The following TENM4 variants were observed in gnomAD, a reference collection of about 807,000 sequenced individuals.
TENM4 encodes teneurin transmembrane protein 4, also known as teneurin-4.
In TENM4, 82 loss-of-function variants were observed where a neutral mutation model predicts 243.3. The ratio of observed to expected loss-of-function variants is 0.34; its 90% confidence interval spans 0.28 to 0.40. The LOEUF (loss-of-function observed/expected upper bound fraction) is 0.40. Ranked by LOEUF, TENM4 falls within the 10% of genes least tolerant of loss-of-function variation. The pLI is 1.00. For missense variants in TENM4, 3,138 were observed against 3,673.3 expected (o/e 0.85, Z 3.77); for synonymous variants, 1,412 against 1,456.3 (o/e 0.97, Z 0.69).
chr11:79,351,986 A>T (rs1025860593), intron 1 of TENM4, among the ~76,000 whole-genome samples: 8 of 152,202 alleles, frequency 5.3e-5, no homozygotes, highest in African/African-American at 1.9e-4. Flanking sequence ...CTCAAATCCA[A>T]ACTAAACATC....
chr11:79,231,703 T>C (rs7932510), intron 2 of TENM4, among the ~76,000 whole-genome samples: 1 of 152,134 alleles, frequency 6.6e-6, no homozygotes, highest in Non-Finnish European at 1.5e-5. Flanking sequence ...TTCACCTGCT[T>C]ACTCATTTGA....
At chr11:79,118,716 A>G (rs1183261421) in intron 4 of TENM4, among the ~76,000 whole-genome samples, 1 of 152,204 alleles carries the variant, frequency 6.6e-6, no homozygotes, top group East Asian at 1.9e-4. Context: ...TCCACGTTGT[A>G]GCATGTGTCA....
chr11:79,036,921 G>A (rs1047050178), intron 6 of TENM4, among the ~76,000 whole-genome samples: 3 of 147,806 alleles, frequency 2.0e-5, no homozygotes, highest in Non-Finnish European at 4.4e-5. Context: ...TGAGGCAGGA[G>A]AATGGCGTGA....
At chr11:79,205,846 A>C (rs1863840936) in intron 3 of TENM4, among the ~76,000 whole-genome samples, 1 of 152,250 alleles carries the variant, frequency 6.6e-6, no homozygotes, top group African/African-American at 2.4e-5. Context: ...AACACTTTAT[A>C]ATTGAAATGA....
intron 3 of TENM4, among the ~76,000 whole-genome samples, chr11:79,149,045 T>C (rs1591316194): frequency 6.6e-6 from 1 of 152,104 alleles, no homozygotes; most frequent in Admixed American, 6.6e-5. Flanking sequence ...CATTAAGTAG[T>C]TGATGGACAA....
chr11:78,785,047 CTGTTTT>C, intron 16 of TENM4, among the ~76,000 whole-genome samples: 5 of 77,534 alleles, frequency 6.4e-5, no homozygotes, highest in Non-Finnish European at 1.0e-4. Flanking sequence ...TTTTTTGTTT[CTGTTTT>C]TGTTTTTTTT....
chr11:79,390,118 A>G (rs1261111171), intron 1 of TENM4, among the ~76,000 whole-genome samples: 2 of 152,196 alleles, frequency 1.3e-5, no homozygotes, highest in Non-Finnish European at 2.9e-5. Flanking sequence ...GAGCAGTGGA[A>G]TGAAGGTGGG....
chr11:79,334,311 C>T (rs537095618), intron 1 of TENM4, among the ~76,000 whole-genome samples: 44 of 152,260 alleles, frequency 2.9e-4, no homozygotes, highest in African/African-American at 1.1e-3. Flanking sequence ...ATGTGATCAC[C>T]CTGGATTGAG....
chr11:79,332,539 G>A (rs527756008), intron 1 of TENM4, among the ~76,000 whole-genome samples: 2 of 151,916 alleles, frequency 1.3e-5, no homozygotes, highest in African/African-American at 2.4e-5. Context: ...CCATCTGGGG[G>A]CTAATTGTGG....
chr11:78,735,147 C>T (rs933596334), intron 20 of TENM4, among the ~76,000 whole-genome samples: 1 of 152,192 alleles, frequency 6.6e-6, no homozygotes, highest in Non-Finnish European at 1.5e-5. Flanking sequence ...AGATTTGGGG[C>T]TCCAAGCTCC....
intron 4 of TENM4, among the ~76,000 whole-genome samples, chr11:79,130,579 T>C (rs193094333): frequency 3.3e-5 from 5 of 152,216 alleles, no homozygotes; most frequent in Non-Finnish European, 7.4e-5. Flanking sequence ...ATCCCAGCAC[T>C]TTGGGAGGCC....
At chr11:78,951,153 C>G (rs1457069559) in intron 6 of TENM4, among the ~76,000 whole-genome samples, 1 of 152,238 alleles carries the variant, frequency 6.6e-6, no homozygotes, top group Non-Finnish European at 1.5e-5. Context: ...GCAGCCCTTC[C>G]TTCCTAGAAA....
chr11:79,110,801 C>A (rs1861485784), intron 4 of TENM4, among the ~76,000 whole-genome samples: 1 of 152,172 alleles, frequency 6.6e-6, no homozygotes, highest in Middle Eastern at 3.2e-3. Flanking sequence ...GAGAGATAGG[C>A]CCTTTGCCGG....
rs373382677 is a variant in TENM4 at position 79,317,956 on chromosome 11, T to C, written c.-320-20413A>G. Among the ~76,000 whole-genome samples, 148 of 152,296 alleles carry C rather than the reference T, an allele frequency of 9.7e-4. 5 individuals are homozygous for C. In the South Asian group the frequency reaches 0.03, roughly 31 times the overall value. On this transcript the variant is annotated intron_variant, in intron 1 of 33. Coordinates refer to ENST00000278550, the MANE Select transcript of TENM4 (RefSeq NM_001098816.3). ...CTTCTGGAAGCCAACTAGCTTTCCA[T>C]GGTGGCCCAAAATGACATGTGTTTC...
chr11:79,251,778 G>A (rs1022829796), intron 2 of TENM4, among the ~76,000 whole-genome samples: 1 of 150,572 alleles, frequency 6.6e-6, no homozygotes, highest in Non-Finnish European at 1.5e-5. Flanking sequence ...GAAAATATAA[G>A]CTTGAAAAAT....
chr11:79,082,894 C>A (rs886913831), intron 4 of TENM4, among the ~76,000 whole-genome samples: 4 of 152,132 alleles, frequency 2.6e-5, no homozygotes, highest in Non-Finnish European at 5.9e-5. Flanking sequence ...TAAAGGCAGA[C>A]TTAATAGATA....
At chr11:79,270,825 G>A (rs750843698) in intron 2 of TENM4, among the ~76,000 whole-genome samples, 38 of 152,088 alleles carry the variant, frequency 2.5e-4, no homozygotes, top group Non-Finnish European at 4.9e-4. Flanking sequence ...TCAACTATAC[G>A]GCCCCACGAT....
At chr11:78,754,673 A>G (rs547185257) in intron 19 of TENM4, among the ~76,000 whole-genome samples, 3 of 152,338 alleles carry the variant, frequency 2.0e-5, no homozygotes, top group Admixed American at 6.5e-5. Flanking sequence ...ACACAACTGA[A>G]GAAAATAGCA....
intron 1 of TENM4, among the ~76,000 whole-genome samples, chr11:79,376,390 C>T (rs1323385215): frequency 6.6e-6 from 1 of 152,222 alleles, no homozygotes; most frequent in Non-Finnish European, 1.5e-5. Flanking sequence ...GTCTTGATCA[C>T]ATAGCTTTGC....
Sources: allele counts gnomAD v4.1 joint callset (sites outside exome capture counted in the v4.1 genomes callset), GRCh38; gene constraint gnomAD v4.1.1; transcripts MANE v1.5; gene names NCBI Gene and HGNC (gene_info 2026-07-23, HGNC 2026-07-21).